The following AKAP6 variants were observed in gnomAD, a reference collection of about 807,000 sequenced individuals.
The protein encoded by AKAP6 is A-kinase anchor protein 6.
Under a neutral mutation model 188.5 loss-of-function variants are expected in AKAP6, and 58 were observed. The ratio of observed to expected loss-of-function variants is 0.31; its 90% CI spans 0.25 to 0.38. The LOEUF (loss-of-function observed/expected upper bound fraction) is 0.38. AKAP6 is among the 10% of genes least tolerant of loss of function. The probability of loss-of-function intolerance (pLI) is 1.00; values close to 1 mark genes in which losing one functional copy is unlikely to be tolerated. For synonymous variants in AKAP6, 989 were observed against 998.6 expected (o/e 0.99, Z 0.18); for missense variants, 2,710 against 2,740.0 (o/e 0.99, Z 0.24).
At position 32,545,492 on chromosome 14, in the gene AKAP6, A is replaced by G; in HGVS notation, c.839A>G (p.Asp280Gly). 1 of 1,614,080 alleles carries G rather than the reference A, an allele frequency of 6.2e-7. No homozygotes were observed. Among genetic ancestry groups the G allele is most frequent in the East Asian group, 2.2e-5 (1 of 44,872 alleles). The change falls in exon 4 of 14, where the codon GAC becomes GGC. Residue 280 changes from aspartate (D) to glycine (G), a missense_variant. Coordinates refer to ENST00000280979, the MANE Select transcript of AKAP6 (RefSeq NM_004274.5). Reference sequence around the variant, plus strand: ...GTTGGTTTACTTACGGTAGCTGCTGACTCTATCTCTACCAATGGCAGTGAA... The same window carrying G: ...GTTGGTTTACTTACGGTAGCTGCTGGCTCTATCTCTACCAATGGCAGTGAA... ...RSVGLLTVAADSISTNGSEAV... is the reference protein window; with the variant it reads ...RSVGLLTVAAGSISTNGSEAV...
Position 32,786,296 on chromosome 14 carries a change from A to ATGT in AKAP6, c.3588+12404_3588+12405insGTT. Among the ~76,000 whole-genome samples the ATGT allele has an allele frequency of 2.7e-3, 257 of 93,664 alleles. 36 individuals carry two copies. Among genetic ancestry groups the ATGT allele is most frequent in the East Asian group, 3.9e-3 (13 of 3,342 alleles). 61.4% of individuals were successfully genotyped at this position (93,664 alleles called of 152,430 possible). ...AGCCCTCTGAAAGACCTAAACCTTTATCTTTTTTTTTTTTTTTTTTTTTTT... is the reference window on the plus strand; with the variant it reads ...AGCCCTCTGAAAGACCTAAACCTTTATGTTCTTTTTTTTTTTTTTTTTTTTTTT... On this transcript the variant is annotated intron_variant, in intron 12 of 13. Coordinates refer to ENST00000280979, the MANE Select transcript of AKAP6 (RefSeq NM_004274.5).
At chr14:32,779,689 T>G (rs750783446) in intron 12 of AKAP6, among the ~76,000 whole-genome samples, 7 of 152,140 alleles carry the variant, frequency 4.6e-5, no homozygotes, top group Non-Finnish European at 8.8e-5. Flanking sequence ...GATACAACTG[T>G]GAGGAGACAA....
chr14:32,598,813 T>C (rs746843290), intron 5 of AKAP6, among the ~76,000 whole-genome samples: 1 of 152,116 alleles, frequency 6.6e-6, no homozygotes, highest in African/African-American at 2.4e-5. Flanking sequence ...AATGCCGGAT[T>C]GTGCTTGATG....
chr14:32,484,721 C>G lies in AKAP6; in HGVS notation c.325-50833C>G. The G allele has an allele frequency of 1.4e-5, 3 of 215,056 alleles. 1 individual carries two copies. The highest frequency in any genetic ancestry group is 1.4e-5 in the Non-Finnish European group (2 of 147,688). The allele number at this position is 215,056 out of a possible 1,614,324, so 13.3% of individuals were successfully genotyped here. On this transcript the variant is annotated intron_variant, in intron 2 of 13. Coordinates refer to ENST00000280979, the MANE Select transcript of AKAP6 (RefSeq NM_004274.5). ...GAGACTTAGAGCTGTGCCCAGGACT[C>G]CAGCTCATGCGCCGAATAGTAGGTA...
chr14:32,409,688 A>G (rs1162008284), intron 1 of AKAP6, among the ~76,000 whole-genome samples: 1 of 152,228 alleles, frequency 6.6e-6, no homozygotes, highest in African/African-American at 2.4e-5. Flanking sequence ...GCCTAATAAC[A>G]AAGATTTTCT....
chr14:32,349,041 G>A (rs1322171078), intron 1 of AKAP6, among the ~76,000 whole-genome samples: 1 of 152,020 alleles, frequency 6.6e-6, no homozygotes, highest in Non-Finnish European at 1.5e-5. Flanking sequence ...CTTTGTTACT[G>A]GTTTATAATT....
intron 1 of AKAP6, among the ~76,000 whole-genome samples, chr14:32,418,188 C>T (rs576431340): frequency 1.3e-5 from 2 of 152,230 alleles, no homozygotes; most frequent in Admixed American, 1.3e-4. Flanking sequence ...CCAGTTGTTT[C>T]TGAGTGTCAT....
At chr14:32,462,901 C>CAAA (rs71143943) in intron 2 of AKAP6, among the ~76,000 whole-genome samples, 123 of 8,824 alleles carry the variant, frequency 0.014, 7 homozygotes, top group South Asian at 0.021. Context: ...AAATGGAAAG[C>CAAA]AAAAAAAAAA....
Position 32,783,042 on chromosome 14 carries a change from A to G in AKAP6, c.3588+9149A>G, listed in dbSNP as rs543295339. 1.3e-3 allele frequency among the ~76,000 whole-genome samples: 195 copies of G among 152,328 alleles called. 1 individual carries two copies. The highest frequency in any genetic ancestry group is 4.4e-3 in the African/African-American group (182 of 41,594). Reference sequence around the variant, plus strand: ...GCTACAGTAGTCAAGAAAGTATGGCATTGCTGTCAAGGTCAACAAATACAT... The same window carrying G: ...GCTACAGTAGTCAAGAAAGTATGGCGTTGCTGTCAAGGTCAACAAATACAT... On this transcript the variant is annotated intron_variant, in intron 12 of 13. Coordinates refer to ENST00000280979, the MANE Select transcript of AKAP6 (RefSeq NM_004274.5).
chr14:32,435,328 TA>T (rs34393545), intron 2 of AKAP6, among the ~76,000 whole-genome samples: 1 of 151,952 alleles, frequency 6.6e-6, no homozygotes, highest in Non-Finnish European at 1.5e-5. Context: ...GAAGTCTCAG[TA>T]AAAAAAATGT....
intron 4 of AKAP6, among the ~76,000 whole-genome samples, chr14:32,565,098 G>C (rs536493531): frequency 1.3e-5 from 2 of 152,162 alleles, no homozygotes; most frequent in East Asian, 1.9e-4. Flanking sequence ...TTCCCTTTAC[G>C]TACTGTTCCT....
intron 2 of AKAP6, among the ~76,000 whole-genome samples, chr14:32,478,887 C>T (rs922190472): frequency 1.3e-5 from 2 of 152,090 alleles, no homozygotes; most frequent in African/African-American, 4.8e-5. Flanking sequence ...TCTACTGTGT[C>T]CCCCCTTTGA....
chr14:32,650,214 T>C (rs1463321092), intron 7 of AKAP6, among the ~76,000 whole-genome samples: 1 of 152,182 alleles, frequency 6.6e-6, no homozygotes, highest in Non-Finnish European at 1.5e-5. Flanking sequence ...TTTTAACCTG[T>C]GCTGCTTCCC....
chr14:32,733,944 ATAAC>A (rs1233714750), intron 10 of AKAP6: 2 of 152,186 alleles, frequency 1.3e-5, no homozygotes, highest in Non-Finnish European at 2.9e-5. Flanking sequence ...AATTTGATAA[ATAAC>A]AATAATATTT....
intron 5 of AKAP6, among the ~76,000 whole-genome samples, chr14:32,596,953 G>T (rs1003828095): frequency 2.0e-5 from 3 of 152,096 alleles, no homozygotes; most frequent in Admixed American, 6.6e-5. Context: ...GAATTCCTTA[G>T]TTGATATTAT....
Position 32,577,209 on chromosome 14 carries a change from G to A in AKAP6, c.2436G>A (p.Met812Ile), listed in dbSNP as rs576877570. Residue 812 changes from methionine to isoleucine, a missense_variant, in exon 5 of 14, where the codon ATG becomes ATA. Met to Ile is a conservative substitution (Grantham distance 10). Transcript: ENST00000280979. Reference sequence around the variant, plus strand: ...ATTGGACTCCCCCTAAAGCAGAGATGGATGACCTTAAACTGTATCTGGAGA... The same window carrying A: ...ATTGGACTCCCCCTAAAGCAGAGATAGATGACCTTAAACTGTATCTGGAGA... The part of the protein sequence containing the change: ...TENWTPPKAE[M>I]DDLKLYLETH... The A allele has an allele frequency of 2.1e-5, 34 of 1,612,522 alleles. No individual in the cohort carries two copies. Among genetic ancestry groups the A allele is most frequent in the Non-Finnish European group, 2.5e-5 (30 of 1,179,128 alleles).
chr14:32,579,071 G>T (rs1213433089), intron 5 of AKAP6, among the ~76,000 whole-genome samples: 1 of 152,106 alleles, frequency 6.6e-6, no homozygotes, highest in Non-Finnish European at 1.5e-5. Context: ...CTGAAGAAAT[G>T]AGTTTTTAAT....
At chr14:32,361,057 C>CTATATATATATAT (rs1423374090) in intron 1 of AKAP6, among the ~76,000 whole-genome samples, 1 of 126,532 alleles carries the variant, frequency 7.9e-6, no homozygotes, top group African/African-American at 2.9e-5. Context: ...CCTGAACATA[C>CTATATATATATAT]ATATATATAT....
chr14:32,334,774 T>G (rs1434119928), intron 1 of AKAP6, among the ~76,000 whole-genome samples: 2 of 152,146 alleles, frequency 1.3e-5, no homozygotes, highest in Admixed American at 1.3e-4. Flanking sequence ...AATTCCTGAG[T>G]TGGCTTTAAG....
Sources: gnomAD v4.1 joint callset for allele counts (sites outside exome capture counted in the v4.1 genomes callset) on GRCh38, gnomAD v4.1.1 for gene constraint, MANE v1.5 for transcripts, NCBI Gene and HGNC (gene_info 2026-07-23, HGNC 2026-07-21) for gene names.